TM4SF4: variants seen among roughly 807,000 people sequenced by gnomAD.
TM4SF4 encodes transmembrane 4 L six family member 4, also known as transmembrane 4 L6 family member 4.
A neutral mutation model predicts 24.1 loss-of-function variants in TM4SF4; 24 were observed. That is an observed-to-expected ratio of 1.00 (90% CI 0.72 to 1.40). The LOEUF (loss-of-function observed/expected upper bound fraction) is 1.40. TM4SF4 is among the 40% of genes most tolerant of loss of function. TM4SF4 has a pLI of 0.00. For synonymous variants in TM4SF4, 113 were observed against 97.0 expected, an observed-to-expected ratio of 1.17 and a Z score of -0.97; for missense variants, 254 against 254.2, an observed-to-expected ratio of 1.00 and a Z score of 0.01.
intron 2 of TM4SF4, among the ~76,000 whole-genome samples, chr3:149,481,339 C>T (rs1349538419): frequency 6.6e-6 from 1 of 152,018 alleles, no homozygotes; most frequent in East Asian, 1.9e-4. Context: ...TAAGTACTTG[C>T]TGGATGGATG....
intron 2 of TM4SF4, among the ~76,000 whole-genome samples, chr3:149,483,786 A>T (rs4681510): frequency 0.4 from 61,274 of 151,694 alleles, 12,824 homozygotes; most frequent in Non-Finnish European, 0.47. Context: ...ATTTATTTAT[A>T]TATTACTATT....
In TM4SF4 at chr3:149,487,788, C is replaced by T. The variant is rs377399088; in HGVS notation, c.401+33C>T. 25 of 1,610,210 alleles carry T rather than the reference C, an allele frequency of 1.6e-5. No homozygotes were observed. The African/African-American group carries it at 3.2e-4, about 21-fold the overall frequency. On this transcript the variant is annotated intron_variant, in intron 3 of 4. Coordinates refer to ENST00000305354, the MANE Select transcript of TM4SF4 (RefSeq NM_004617.4). ...CACACCCTGCAATGCCCACCTGTCA[C>T]CACAAGGGGCATGGGCAGATAAATT...
intron 2 of TM4SF4, among the ~76,000 whole-genome samples, chr3:149,482,374 A>T (rs1284542830): frequency 6.6e-6 from 1 of 152,234 alleles, no homozygotes; most frequent in Non-Finnish European, 1.5e-5. Context: ...CCGCAAAGGA[A>T]GACTCCCTTA....
In TM4SF4 at chr3:149,494,924, C is replaced by T. The variant is rs373441006; in HGVS notation, c.402-3798C>T. On this transcript the variant is annotated intron_variant, in intron 3 of 4. Transcript: ENST00000305354. The stretch of plus-strand genomic sequence containing the variant: ...AAGTACTGCATGAGTCATTGATGCT[C>T]AGGACAGAGACTTTATCAGAAACAT... 1.8e-4 allele frequency: 28 copies of T among 158,714 alleles called. 1 individual carries two copies. The South Asian group carries it at 4.8e-3, about 27-fold the overall frequency. The allele number at this position is 158,714 out of a possible 1,614,324, so 9.8% of individuals were successfully genotyped here.
At position 149,502,988 on chromosome 3, in the gene TM4SF4, T is replaced by C. The variant is rs925108208; in HGVS notation, c.*295T>C. On this transcript the variant is annotated 3_prime_UTR_variant, in exon 5 of 5. Transcript: ENST00000305354. ...CTTTTCATGATTTTTTTATTACAAA[T>C]GTAAAATGTATAAAGTCACATGTAC... 1 of 317,252 alleles carries C rather than the reference T, an allele frequency of 3.2e-6. No homozygotes were observed. Among genetic ancestry groups the C allele is most frequent in the Non-Finnish European group, 5.7e-6 (1 of 174,078 alleles). The allele number at this position is 317,252 out of a possible 1,614,324, so 19.7% of individuals were successfully genotyped here.
At chr3:149,480,310 G>C (rs1734012792) in intron 2 of TM4SF4, among the ~76,000 whole-genome samples, 2 of 152,110 alleles carry the variant, frequency 1.3e-5, no homozygotes, top group Admixed American at 6.5e-5. Context: ...TTGTCAACTC[G>C]TTTATGTTAA....
In TM4SF4 at chr3:149,503,035, A is replaced by T; in HGVS notation, c.*342A>T. On this transcript the variant is annotated 3_prime_UTR_variant, in exon 5 of 5. Coordinates refer to ENST00000305354, the MANE Select transcript of TM4SF4 (RefSeq NM_004617.4). Reference sequence around the variant, plus strand: ...GTACTGCCATACTACTTCTTTGTATATAAAGATGTTTATATCTTTGGAAGT... The same window carrying T: ...GTACTGCCATACTACTTCTTTGTATTTAAAGATGTTTATATCTTTGGAAGT... 4.8e-6 allele frequency: 1 copy of T among 207,262 alleles called. No homozygotes were observed. The highest frequency in any genetic ancestry group is 9.6e-6 in the Non-Finnish European group (1 of 104,524). 12.8% of individuals were successfully genotyped at this position (207,262 alleles called of 1,614,324 possible).
chr3:149,487,591 T>C (rs1250450085), intron 2 of TM4SF4, 28 bp from the exon 3 acceptor site: 1 of 1,613,512 alleles, frequency 6.2e-7, no homozygotes, highest in African/African-American at 1.3e-5. Flanking sequence ...ACCTGGAGAA[T>C]GTGACTGTCT....
chr3:149,498,806 C>A lies in TM4SF4; in HGVS notation c.486C>A (p.Ile162=). The A allele has an allele frequency of 6.2e-7, 1 of 1,614,000 alleles. No individual in the cohort carries two copies. Residue 162 remains isoleucine, a synonymous_variant, in exon 4 of 5, where the codon ATC becomes ATA. Coordinates refer to ENST00000305354, the MANE Select transcript of TM4SF4 (RefSeq NM_004617.4). Reference sequence around the variant, plus strand: ...CCTGGAATCTGACCCTCTTCTCCATCCTGCTGGTCGTAGGAGGAATCCAGA... The same window carrying A: ...CCTGGAATCTGACCCTCTTCTCCATACTGCTGGTCGTAGGAGGAATCCAGA... The part of the protein sequence containing the change: ...VVPWNLTLFS[I]LLVVGGIQMV...
chr3:149,478,705 G>A (rs1049378202), intron 2 of TM4SF4, among the ~76,000 whole-genome samples: 7 of 152,284 alleles, frequency 4.6e-5, no homozygotes, highest in African/African-American at 1.4e-4. Flanking sequence ...GGCCAGGGTC[G>A]ACCACATGCT....
At chr3:149,476,842 C>T (rs1224488318) in intron 2 of TM4SF4, among the ~76,000 whole-genome samples, 3 of 115,386 alleles carry the variant, frequency 2.6e-5, no homozygotes, top group Non-Finnish European at 3.3e-5. Context: ...GAGACAGGGT[C>T]TCACTCTGTT....
In TM4SF4 at chr3:149,475,749, C is replaced by T. The variant is rs1435175279; in HGVS notation, c.175-74C>T. The T allele has an allele frequency of 2.3e-6, 3 of 1,311,728 alleles. No individual in the cohort carries two copies. In the African/African-American group the frequency reaches 4.4e-5, roughly 19 times the overall value. 81.3% of individuals were successfully genotyped at this position (1,311,728 alleles called of 1,614,324 possible). A position where few individuals can be genotyped will look rare whatever the true frequency, so the allele number is the denominator to read the frequency against. ...AAATCCCTCATTGTGGATGGGGCTC[C>T]TTATACAGTCAGGCAGGCTCGGGCC... On this transcript the variant is annotated intron_variant, in intron 1 of 4. Transcript: ENST00000305354.
intron 2 of TM4SF4, among the ~76,000 whole-genome samples, chr3:149,483,275 C>T (rs1183181116): frequency 6.6e-6 from 1 of 152,044 alleles, no homozygotes; most frequent in Non-Finnish European, 1.5e-5. Context: ...AGCATGGAGG[C>T]GGCTAAGAAA....
chr3:149,492,974 G>C (rs1416534397), intron 3 of TM4SF4, among the ~76,000 whole-genome samples: 1 of 152,102 alleles, frequency 6.6e-6, no homozygotes, highest in East Asian at 1.9e-4. Context: ...CCACACCTCT[G>C]CCATATACCA....
At chr3:149,501,612 G>GCAGCTGGCCTCTCATGGGGCTGGT (rs1734427666) in intron 4 of TM4SF4, among the ~76,000 whole-genome samples, 1 of 152,166 alleles carries the variant, frequency 6.6e-6, no homozygotes, top group South Asian at 2.1e-4. Context: ...TTTCTCTTGG[G>GCAGCTGGCCTCTCATGGGGCTGGT]CAGCTGGCCT....
intron 3 of TM4SF4, among the ~76,000 whole-genome samples, chr3:149,488,589 T>G (rs1006266076): frequency 2.6e-5 from 4 of 152,198 alleles, no homozygotes; most frequent in African/African-American, 9.7e-5. Context: ...GAAATAAAGT[T>G]AAAAATTCAG....
In TM4SF4 at chr3:149,487,481, G is replaced by A. The variant is rs150290413; in HGVS notation, c.265-138G>A. 33 of 946,036 alleles carry A rather than the reference G, an allele frequency of 3.5e-5. No individual in the cohort carries two copies. The East Asian group carries it at 6.8e-4, about 20-fold the overall frequency. 58.6% of individuals were successfully genotyped at this position (946,036 alleles called of 1,614,324 possible). ...AAATTCATTCTAGAAGACCCCACAG[G>A]CCCCATCTACTATAAAGACTAGCTC... On this transcript the variant is annotated intron_variant, in intron 2 of 4. Coordinates refer to ENST00000305354, the MANE Select transcript of TM4SF4 (RefSeq NM_004617.4).
chr3:149,491,324 G>A (rs1168450778), intron 3 of TM4SF4, among the ~76,000 whole-genome samples: 1 of 121,908 alleles, frequency 8.2e-6, no homozygotes, highest in Non-Finnish European at 1.9e-5. Flanking sequence ...AATTAGCTGG[G>A]CATGGTTGTG....
At chr3:149,476,856 CCAGGCTAGATCTTGGCTCACAG>C (rs1733941530) in intron 2 of TM4SF4, among the ~76,000 whole-genome samples, 1 of 142,706 alleles carries the variant, frequency 7.0e-6, no homozygotes, top group Admixed American at 7.4e-5. Flanking sequence ...CTCTGTTTGC[CCAGGCTAGATCTTGGCTCACAG>C]CAGGCTTGAA....
Sources: gnomAD v4.1 joint callset for allele counts (sites outside exome capture counted in the v4.1 genomes callset) on GRCh38, gnomAD v4.1.1 for gene constraint, MANE v1.5 for transcripts, NCBI Gene and HGNC (gene_info 2026-07-23, HGNC 2026-07-21) for gene names.